CAMK4: variants seen among roughly 807,000 people sequenced by gnomAD.
CAMK4 encodes calcium/calmodulin-dependent protein kinase type IV.
A neutral mutation model predicts 44.9 loss-of-function variants in CAMK4; 22 were observed. The ratio of observed to expected loss-of-function variants is 0.49; its 90% CI spans 0.35 to 0.70. CAMK4 has a LOEUF of 0.70. Ranked by LOEUF, CAMK4 falls within the 30% of genes least tolerant of loss-of-function variation. The pLI, the probability that CAMK4 is intolerant of heterozygous loss-of-function variation, is 0.01. For missense variants in CAMK4, 498 were observed against 586.8 expected (o/e 0.85, Z 1.56); for synonymous variants, 218 against 215.4 (o/e 1.01, Z -0.11).
chr5:111,295,080 C>T (rs950719906), intron 1 of CAMK4, among the ~76,000 whole-genome samples: 3 of 152,062 alleles, frequency 2.0e-5, no homozygotes, highest in Non-Finnish European at 4.4e-5. Context: ...AACATATTGC[C>T]AGCTGCTGTG....
At chr5:111,427,312 C>T (rs889834850) in intron 5 of CAMK4, among the ~76,000 whole-genome samples, 5 of 152,222 alleles carry the variant, frequency 3.3e-5, no homozygotes, top group Non-Finnish European at 7.4e-5. Flanking sequence ...CACCTGCTAA[C>T]GGAAGGGAAG....
intron 5 of CAMK4, among the ~76,000 whole-genome samples, chr5:111,406,224 C>CTCTCTCTCT (rs55818377): frequency 6.7e-6 from 1 of 148,158 alleles, no homozygotes. Context: ...CTCTCTCTCT[C>CTCTCTCTCT]GTTTTTGGTT....
rs34618322 is a variant in CAMK4, at chr5:111,424,434, C to CTT, written c.460-22225_460-22224dup. On this transcript the variant is annotated intron_variant, in intron 5 of 10. Transcript: ENST00000282356. ...TATATGCATATATGCATCTTCTATT[C>CTT]TTTTTTTTTTTTTTTTTTTTTTTTT... Among the ~76,000 whole-genome samples the CTT allele has an allele frequency of 1.2e-3, 76 of 64,906 alleles. 6 individuals carry two copies. Among genetic ancestry groups the CTT allele is most frequent in the South Asian group, 2.9e-3 (4 of 1,392 alleles). 42.6% of individuals were successfully genotyped at this position (64,906 alleles called of 152,430 possible).
chr5:111,463,986 C>T (rs1473953339), intron 7 of CAMK4, among the ~76,000 whole-genome samples: 2 of 151,466 alleles, frequency 1.3e-5, no homozygotes, highest in African/African-American at 4.9e-5. Flanking sequence ...GGATCCAAAC[C>T]AAAAAGAAAT....
intron 5 of CAMK4, among the ~76,000 whole-genome samples, chr5:111,416,992 AGT>A (rs1416666718): frequency 3.3e-5 from 5 of 152,216 alleles, no homozygotes; most frequent in Non-Finnish European, 7.3e-5. Context: ...GATGTTTTAA[AGT>A]GTGTAATTGG....
chr5:111,380,252 C>G (rs1181599668), intron 4 of CAMK4, among the ~76,000 whole-genome samples: 1 of 151,988 alleles, frequency 6.6e-6, no homozygotes, highest in Admixed American at 6.6e-5. Flanking sequence ...TCAGATAACT[C>G]CAGTATCTAA....
chr5:111,483,976 T>C (rs1441215857), intron 10 of CAMK4, 50 bp from the exon 11 acceptor site: 14 of 1,375,562 alleles, frequency 1.0e-5, no homozygotes, highest in African/African-American at 2.9e-5. Context: ...AGCTCTGATG[T>C]GGGGTGTTAA....
chr5:111,243,270 G>A (rs142871784), intron 1 of CAMK4, among the ~76,000 whole-genome samples: 61 of 152,266 alleles, frequency 4.0e-4, no homozygotes, highest in South Asian at 1.7e-3. Context: ...AGGAAACATC[G>A]GTGATATGGG....
intron 4 of CAMK4, among the ~76,000 whole-genome samples, chr5:111,392,309 A>C (rs1392760986): frequency 2.6e-5 from 4 of 152,118 alleles, no homozygotes; most frequent in Non-Finnish European, 4.4e-5. Context: ...GAGAGAGAGC[A>C]CAAAGGGGGA....
At chr5:111,265,979 T>C (rs1272536452) in intron 1 of CAMK4, 1 of 152,008 alleles carries the variant, frequency 6.6e-6, no homozygotes. Flanking sequence ...CCTTGGTAGG[T>C]GGTGGGAGCC....
intron 7 of CAMK4, among the ~76,000 whole-genome samples, chr5:111,453,161 T>C (rs1345388678): frequency 1.3e-5 from 2 of 152,078 alleles, no homozygotes; most frequent in African/African-American, 2.4e-5. Flanking sequence ...TACCTCACAA[T>C]GGGAGCCAAA....
intron 1 of CAMK4, among the ~76,000 whole-genome samples, chr5:111,332,929 A>C (rs1384969377): frequency 6.6e-6 from 1 of 151,702 alleles, no homozygotes; most frequent in African/African-American, 2.4e-5. Context: ...GAACAAGTAA[A>C]ATGTGGTATA....
chr5:111,232,811 A>G (rs1249020341), intron 1 of CAMK4, among the ~76,000 whole-genome samples: 2 of 151,678 alleles, frequency 1.3e-5, no homozygotes, highest in African/African-American at 2.4e-5. Context: ...GCCTATGACT[A>G]GGTAAGAAAG....
chr5:111,321,934 A>G (rs940506986), intron 1 of CAMK4, among the ~76,000 whole-genome samples: 1 of 152,134 alleles, frequency 6.6e-6, no homozygotes, highest in Non-Finnish European at 1.5e-5. Flanking sequence ...AAGAATAAAC[A>G]TATTATTTTC....
At chr5:111,243,559 T>C (rs1749100855) in intron 1 of CAMK4, among the ~76,000 whole-genome samples, 1 of 152,240 alleles carries the variant, frequency 6.6e-6, no homozygotes, top group Non-Finnish European at 1.5e-5. Context: ...CTGCCAGTTA[T>C]AGGTTCTATC....
At chr5:111,258,742 T>C (rs1211480851) in intron 1 of CAMK4, among the ~76,000 whole-genome samples, 1 of 56,512 alleles carries the variant, frequency 1.8e-5, no homozygotes, top group Non-Finnish European at 3.1e-5. Flanking sequence ...GTTATCAGCG[T>C]GTGTGTGTGT....
At chr5:111,337,892 T>C (rs1472358505) in intron 1 of CAMK4, among the ~76,000 whole-genome samples, 1 of 151,170 alleles carries the variant, frequency 6.6e-6, no homozygotes, top group Non-Finnish European at 1.5e-5. Flanking sequence ...AGCAATGTTA[T>C]GTGTCCCTAA....
chr5:111,314,292 C>G (rs1024251031), intron 1 of CAMK4, among the ~76,000 whole-genome samples: 1 of 151,974 alleles, frequency 6.6e-6, no homozygotes, highest in East Asian at 1.9e-4. Context: ...TTGTTCAAAT[C>G]CAGATAAGGC....
At chr5:111,259,045 G>T (rs1172830252) in intron 1 of CAMK4, among the ~76,000 whole-genome samples, 1 of 152,056 alleles carries the variant, frequency 6.6e-6, no homozygotes, top group Non-Finnish European at 1.5e-5. Context: ...CTCATTTTGG[G>T]ATTATGCTAT....
Sources: gnomAD v4.1 joint callset for allele counts (sites outside exome capture counted in the v4.1 genomes callset) on GRCh38, gnomAD v4.1.1 for gene constraint, MANE v1.5 for transcripts, NCBI Gene and HGNC (gene_info 2026-07-23, HGNC 2026-07-21) for gene names.